Variants in METAP2 observed in about 807,000 individuals in gnomAD.
METAP2 encodes methionyl aminopeptidase 2.
A neutral mutation model predicts 59.4 loss-of-function variants in METAP2; 25 were observed. That is an observed-to-expected ratio of 0.42 (90% confidence interval 0.31 to 0.59). METAP2 has a LOEUF of 0.59. Ranked by LOEUF, METAP2 falls within the 20% of genes least tolerant of loss-of-function variation. The pLI is 0.16. For missense variants in METAP2, 366 were observed against 581.2 expected, an observed-to-expected ratio of 0.63 and a Z score of 3.81; for synonymous variants, 214 against 194.1, an observed-to-expected ratio of 1.10 and a Z score of -0.85.
intron 1 of METAP2, 74 bp from the exon 2 acceptor site, chr12:95,475,997 C>T: frequency 2.4e-6 from 2 of 837,096 alleles, no homozygotes; most frequent in South Asian, 1.8e-5. Context: ...GTAAGTTTTC[C>T]AAGATCATTA....
In METAP2 at chr12:95,494,078, A is replaced by G. The variant is rs2076259407; in HGVS notation, c.451A>G (p.Thr151Ala). 2 of 1,613,958 alleles carry G rather than the reference A, an allele frequency of 1.2e-6. No homozygotes were observed. The highest frequency in any genetic ancestry group is 1.1e-5 in the South Asian group (1 of 91,068). ...QDGRTAAWRT[T>A]SEEKKALDQA... ...AAGGCGAACAGCTGCTTGGAGAACT[A>G]CAAGTGAAGAAAAGAAAGCATTAGA... The change falls in exon 5 of 11, where the codon ACA becomes GCA. Residue 151 changes from threonine (T) to alanine (A), a missense_variant. Coordinates refer to ENST00000323666, the MANE Select transcript of METAP2 (RefSeq NM_006838.4).
intron 4 of METAP2, among the ~76,000 whole-genome samples, chr12:95,487,766 C>T (rs984087084): frequency 4.6e-5 from 7 of 152,144 alleles, no homozygotes; most frequent in Non-Finnish European, 7.4e-5. Context: ...CATAGGCACA[C>T]TTTCCTCCAC....
intron 1 of METAP2, among the ~76,000 whole-genome samples, chr12:95,474,532 G>A (rs1020222650): frequency 6.6e-6 from 1 of 152,192 alleles, no homozygotes; most frequent in African/African-American, 2.4e-5. Flanking sequence ...GGGCTGGTGG[G>A]GGAGAAAAGA....
intron 1 of METAP2, 32 bp from the exon 2 acceptor site, chr12:95,476,039 A>G: frequency 7.6e-7 from 1 of 1,321,918 alleles, no homozygotes; most frequent in African/African-American, 1.5e-5. Context: ...TGTCTGTATT[A>G]GATTTGATTT....
intron 8 of METAP2, among the ~76,000 whole-genome samples, chr12:95,506,124 C>T (rs2076357419): frequency 6.6e-6 from 1 of 151,954 alleles, no homozygotes; most frequent in East Asian, 2.0e-4. Flanking sequence ...GAGTCTTCCT[C>T]TGTTGTCCAG....
chr12:95,492,542 T>A (rs1449489706), intron 4 of METAP2, among the ~76,000 whole-genome samples: 3 of 151,790 alleles, frequency 2.0e-5, no homozygotes, highest in African/African-American at 7.2e-5. Context: ...CTTTTTTCTT[T>A]ATTATTTATT....
rs2076423447 is a variant in METAP2, at chr12:95,513,819, A to G, written c.1352A>G (p.Lys451Arg). 1.2e-6 allele frequency: 2 copies of G among 1,614,090 alleles called. No homozygotes were observed. The highest frequency in any genetic ancestry group is 1.7e-6 in the Non-Finnish European group (2 of 1,180,028). The change falls in exon 11 of 11, where the codon AAA (lysine) becomes AGA (arginine). Residue 451 changes from lysine to arginine, a missense_variant. Physicochemically the swap from Lys to Arg is conservative, Grantham distance 26. Coordinates refer to ENST00000323666, the MANE Select transcript of METAP2 (RefSeq NM_006838.4). ...CCATATCCACCATTATGTGACATTA[A>G]AGGATCATATACAGCGCAATTTGAA... ...VDPYPPLCDI[K>R]GSYTAQFEHT... is the part of the protein sequence containing the mutation.
intron 8 of METAP2, among the ~76,000 whole-genome samples, chr12:95,504,800 A>T (rs936823489): frequency 2.0e-5 from 3 of 152,212 alleles, no homozygotes; most frequent in Non-Finnish European, 4.4e-5. Context: ...CACTGCTCCT[A>T]GCCTGTGGTT....
intron 4 of METAP2, among the ~76,000 whole-genome samples, chr12:95,488,448 G>A (rs2076213414): frequency 1.4e-5 from 2 of 146,528 alleles, no homozygotes; most frequent in Admixed American, 6.9e-5. Context: ...GATGGAGGTT[G>A]CAGTGAGCTG....
intron 4 of METAP2, among the ~76,000 whole-genome samples, chr12:95,491,660 A>C (rs1322844806): frequency 6.6e-6 from 1 of 151,554 alleles, no homozygotes; most frequent in Non-Finnish European, 1.5e-5. Context: ...ACAGGTGTGC[A>C]CTGTCTTGCC....
intron 2 of METAP2, among the ~76,000 whole-genome samples, chr12:95,482,852 A>G (rs2076168984): frequency 1.3e-5 from 2 of 152,208 alleles, no homozygotes; most frequent in Admixed American, 1.3e-4. Flanking sequence ...TGGCATTTTC[A>G]TATGGTTCAA....
Position 95,515,681 on chromosome 12 carries a change from T to C in METAP2, c.*1777T>C, listed in dbSNP as rs1481615923. 1.3e-5 allele frequency: 2 copies of C among 152,186 alleles called. No homozygotes were observed. The highest frequency in any genetic ancestry group is 2.9e-5 in the Non-Finnish European group (2 of 68,028). 9.4% of individuals were successfully genotyped at this position (152,186 alleles called of 1,614,324 possible). A position where few individuals can be genotyped will look rare whatever the true frequency, so the allele number is the denominator to read the frequency against. On this transcript the variant is annotated 3_prime_UTR_variant, in exon 11 of 11. Transcript: ENST00000323666. ...GTAATGGCTGGAAGGGACATGATCT[T>C]GTAAGTAGGAAAGCTGTAACTAAAA... is the stretch of plus-strand genomic sequence containing the variant.
Position 95,514,000 on chromosome 12 carries a change from G to A in METAP2, c.*96G>A. ...TTGCCACATGTTGTCTGTTTTAACA[G>A]TGGACCCATGTAATACTTTTATCCA... is the stretch of plus-strand genomic sequence containing the variant. On this transcript the variant is annotated 3_prime_UTR_variant, in exon 11 of 11. Coordinates refer to ENST00000323666, the MANE Select transcript of METAP2 (RefSeq NM_006838.4). 7.6e-7 allele frequency: 1 copy of A among 1,320,712 alleles called. No individual in the cohort carries two copies. The allele number at this position is 1,320,712 out of a possible 1,614,324, so 81.8% of individuals were successfully genotyped here. A position where few individuals can be genotyped will look rare whatever the true frequency, so the allele number is the denominator to read the frequency against.
chr12:95,496,894 G>A (rs1157875312), intron 7 of METAP2, among the ~76,000 whole-genome samples: 2 of 136,724 alleles, frequency 1.5e-5, no homozygotes, highest in African/African-American at 5.6e-5. Context: ...GCACGATCTC[G>A]ACTCACTGCA....
intron 4 of METAP2, among the ~76,000 whole-genome samples, chr12:95,491,976 G>T (rs1445798131): frequency 1.3e-5 from 2 of 151,532 alleles, no homozygotes; most frequent in Admixed American, 6.6e-5. Context: ...GGCTAAAGTT[G>T]TTTTTTCTTT....
intron 7 of METAP2, 28 bp from the exon 8 acceptor site, chr12:95,504,037 A>G (rs1420465025): frequency 6.4e-7 from 1 of 1,557,442 alleles, no homozygotes; most frequent in Admixed American, 1.9e-5. Context: ...CACTTTGAAT[A>G]ATAAAGCATA....
intron 6 of METAP2, 41 bp from the exon 7 acceptor site, chr12:95,495,963 T>C: frequency 1.7e-6 from 2 of 1,188,010 alleles, no homozygotes; most frequent in Non-Finnish European, 2.5e-6. Flanking sequence ...ATAAATTGAC[T>C]AGCTGATAAG....
rs759347009 is a variant in METAP2, at chr12:95,483,296, TA to T, written c.325+18del. On this transcript the variant is annotated intron_variant, in intron 3 of 10. Coordinates refer to ENST00000323666, the MANE Select transcript of METAP2 (RefSeq NM_006838.4). The stretch of plus-strand genomic sequence containing the variant: ...AAGAGAGGACGTTAGTGTCTTAAGT[TA>T]ATGTTAATTGATATATTAGAAGTGT... The T allele has an allele frequency of 6.3e-7, 1 of 1,577,830 alleles. No individual in the cohort carries two copies. The highest frequency in any genetic ancestry group is 1.1e-5 in the South Asian group (1 of 90,214).
intron 7 of METAP2, among the ~76,000 whole-genome samples, chr12:95,498,737 G>C (rs748212349): frequency 2.6e-5 from 4 of 152,160 alleles, no homozygotes; most frequent in Non-Finnish European, 4.4e-5. Flanking sequence ...ATCTGGGTCA[G>C]GCACAGTGCC....
Sources: allele counts gnomAD v4.1 joint callset (sites outside exome capture counted in the v4.1 genomes callset), GRCh38; gene constraint gnomAD v4.1.1; transcripts MANE v1.5; gene names NCBI Gene and HGNC (gene_info 2026-07-23, HGNC 2026-07-21).